ABLIM1: variants seen among roughly 807,000 people sequenced by gnomAD.
ABLIM1 encodes the protein actin binding LIM protein 1.
ABLIM1 carries 40 observed loss-of-function variants against 107.0 expected under a neutral mutation model. That is an observed-to-expected ratio of 0.37 (90% CI 0.29 to 0.49). The LOEUF (loss-of-function observed/expected upper bound fraction) is 0.49, where lower values mean the gene tolerates loss of function less well. Among genes scored for constraint, ABLIM1 ranks in the 20% least tolerant of loss-of-function variants. ABLIM1 has a pLI of 0.97. For missense variants in ABLIM1, 857 were observed against 1,008.5 expected (o/e 0.85, Z 2.04); for synonymous variants, 357 against 357.3 (o/e 1.00, Z 0.01).
chr10:114,710,006 GTGCACACATGTGTA>G (rs1388842185), intron 1 of ABLIM1, among the ~76,000 whole-genome samples: 2 of 152,088 alleles, frequency 1.3e-5, no homozygotes, highest in Non-Finnish European at 2.9e-5. Context: ...CTCCCACCAT[GTGCACACATGTGTA>G]CACACACATA....
intron 1 of ABLIM1, among the ~76,000 whole-genome samples, chr10:114,682,765 A>C (rs2080801177): frequency 6.6e-6 from 1 of 152,168 alleles, no homozygotes; most frequent in Admixed American, 6.5e-5. Flanking sequence ...GTAGTTAAAA[A>C]ACAAGGAAGA....
At chr10:114,485,539 T>C (rs1590273106) in intron 8 of ABLIM1, among the ~76,000 whole-genome samples, 1 of 152,322 alleles carries the variant, frequency 6.6e-6, no homozygotes, top group East Asian at 1.9e-4. Flanking sequence ...CATGTGGATT[T>C]TTGGGCCCAT....
chr10:114,784,956 T>C, the ABLIM1 span, among the ~76,000 whole-genome samples: 1 of 152,236 alleles, frequency 6.6e-6, no homozygotes, highest in Non-Finnish European at 1.5e-5. Context: ...AATTTTTTCA[T>C]TGAGACTAAT....
At chr10:114,552,785 C>A (rs1453443093) in intron 4 of ABLIM1, among the ~76,000 whole-genome samples, 1 of 152,116 alleles carries the variant, frequency 6.6e-6, no homozygotes, top group African/African-American at 2.4e-5. Context: ...GAAGGGGACA[C>A]GTTGCTTTCA....
At position 114,658,177 on chromosome 10, in the gene ABLIM1, C is replaced by T; in HGVS notation, c.24G>A (p.Lys8=). The change falls in exon 1 of 23, where the codon AAG becomes AAA. Residue 8 remains lysine (K), a synonymous_variant. Coordinates refer to ENST00000533213, the MANE Select transcript of ABLIM1 (RefSeq NM_002313.7). MPAFLGL[K]CLGKLCSSEK... ...CAGAGCTGCACAATTTCCCCAGACACTTTAGACCAAGGAAGGCAGGCATCT... is the reference window on the plus strand; with the variant it reads ...CAGAGCTGCACAATTTCCCCAGACATTTTAGACCAAGGAAGGCAGGCATCT... 6.2e-7 allele frequency: 1 copy of T among 1,609,438 alleles called. No individual in the cohort carries two copies. Among genetic ancestry groups the T allele is most frequent in the Non-Finnish European group, 8.5e-7 (1 of 1,176,446 alleles).
At chr10:114,778,419 T>C in the ABLIM1 span, 13 of 152,192 alleles carry the variant, frequency 8.5e-5, no homozygotes, top group Admixed American at 7.9e-4. Context: ...TTGTCTTCAG[T>C]AATCTTTCCA....
intron 1 of ABLIM1, among the ~76,000 whole-genome samples, chr10:114,692,362 T>A (rs1202363174): frequency 6.6e-6 from 1 of 152,214 alleles, no homozygotes; most frequent in African/African-American, 2.4e-5. Context: ...CCTTTCAACT[T>A]TTGTCTCTTC....
intron 20 of ABLIM1, among the ~76,000 whole-genome samples, 197 bp from the exon 21 acceptor site, chr10:114,439,447 T>C (rs959413280): frequency 2.0e-5 from 3 of 152,200 alleles, no homozygotes; most frequent in African/African-American, 7.2e-5. Flanking sequence ...TGCAATCAAG[T>C]TGGGGAGAGA....
rs147368340 is a variant in ABLIM1 at position 114,613,994 on chromosome 10, G to A, written c.245-12033C>T. Among the ~76,000 whole-genome samples, 733 of 152,166 alleles carry A rather than the reference G, an allele frequency of 4.8e-3. 7 individuals carry two copies. The highest frequency in any genetic ancestry group is 0.016 in the African/African-American group (684 of 41,506). ...CCTTCAGAATGGCCTCTGCTTGAGT[G>A]GAGAAGAAAAGATTATCTCCCAAAG... is the stretch of plus-strand genomic sequence containing the variant. On this transcript the variant is annotated intron_variant, in intron 1 of 22. Transcript: ENST00000533213.
intron 4 of ABLIM1, among the ~76,000 whole-genome samples, chr10:114,569,383 G>A (rs2483562): frequency 0.013 from 1,987 of 151,396 alleles, 36 homozygotes; most frequent in African/African-American, 0.046. Context: ...GCAGTGGCGC[G>A]ATCTCGGCTC....
intron 1 of ABLIM1, among the ~76,000 whole-genome samples, chr10:114,702,130 G>A (rs2081318562): frequency 6.6e-6 from 1 of 152,144 alleles, no homozygotes; most frequent in African/African-American, 2.4e-5. Context: ...AAAAAATTCA[G>A]CTGGTTGATT....
chr10:114,561,717 C>G (rs2069729960), intron 4 of ABLIM1, among the ~76,000 whole-genome samples: 2 of 152,144 alleles, frequency 1.3e-5, no homozygotes, highest in African/African-American at 4.8e-5. Context: ...ACTGAAATTC[C>G]AGTTCTACTG....
At chr10:114,800,360 G>T in the ABLIM1 span, among the ~76,000 whole-genome samples, 3 of 152,094 alleles carry the variant, frequency 2.0e-5, no homozygotes, top group Admixed American at 2.0e-4. Flanking sequence ...TTACATCTCT[G>T]GCAGGATATC....
At chr10:114,594,181 A>G (rs1198971209) in intron 2 of ABLIM1, among the ~76,000 whole-genome samples, 1 of 152,198 alleles carries the variant, frequency 6.6e-6, no homozygotes, top group Non-Finnish European at 1.5e-5. Flanking sequence ...AAAATAACCC[A>G]TATCCAGTCT....
chr10:114,514,343 A>G (rs1023166219), intron 6 of ABLIM1, among the ~76,000 whole-genome samples: 70 of 151,896 alleles, frequency 4.6e-4, no homozygotes, highest in African/African-American at 1.6e-3. Flanking sequence ...CTGAATTATC[A>G]GCTGTTTTTG....
At chr10:114,559,335 G>A (rs1240708367) in intron 4 of ABLIM1, among the ~76,000 whole-genome samples, 1 of 149,422 alleles carries the variant, frequency 6.7e-6, no homozygotes, top group African/African-American at 2.4e-5. Context: ...GGGTGTGGTG[G>A]CACATGCCTG....
intron 1 of ABLIM1, among the ~76,000 whole-genome samples, chr10:114,747,548 G>A (rs808316): frequency 0.94 from 142,699 of 152,266 alleles, 66,961 homozygotes; most frequent in East Asian, 1. Context: ...GCTTTTTTAT[G>A]TAGGGGAGTC....
At chr10:114,733,272 C>T (rs1303368766) in intron 1 of ABLIM1, among the ~76,000 whole-genome samples, 1 of 152,144 alleles carries the variant, frequency 6.6e-6, no homozygotes, top group Non-Finnish European at 1.5e-5. Flanking sequence ...GAGTCCTAAT[C>T]AAAGACCACA....
chr10:114,767,207 A>G (rs1235552221), intron 1 of ABLIM1, among the ~76,000 whole-genome samples: 1 of 152,154 alleles, frequency 6.6e-6, no homozygotes, highest in Non-Finnish European at 1.5e-5. Context: ...AAATAAAAAA[A>G]CAACTCCGCA....
Sources: gnomAD v4.1 joint callset for allele counts (sites outside exome capture counted in the v4.1 genomes callset) on GRCh38, gnomAD v4.1.1 for gene constraint, MANE v1.5 for transcripts, NCBI Gene and HGNC (gene_info 2026-07-23, HGNC 2026-07-21) for gene names.